Variants in ATAD2B observed in about 807,000 individuals in gnomAD.
ATAD2B encodes ATPase family AAA domain-containing protein 2B.
In ATAD2B, 40 loss-of-function variants were observed where a neutral mutation model predicts 167.6. The ratio of observed to expected loss-of-function variants is 0.24; its 90% CI spans 0.19 to 0.31. The LOEUF (loss-of-function observed/expected upper bound fraction) is 0.31. Ranked by LOEUF, ATAD2B falls within the 10% of genes least tolerant of loss-of-function variation. The pLI is 1.00. For synonymous variants in ATAD2B, 579 were observed against 596.5 expected (o/e 0.97, Z 0.43); for missense variants, 1,242 against 1,757.2 (o/e 0.71, Z 5.24).
At chr2:23,868,018 T>A in intron 9 of ATAD2B, 72 bp from the exon 10 acceptor site, 1 of 949,988 alleles carries the variant, frequency 1.1e-6, no homozygotes, top group South Asian at 1.4e-5. Flanking sequence ...TAAGTTTACA[T>A]TCTTTGATGT....
intron 13 of ATAD2B, among the ~76,000 whole-genome samples, chr2:23,855,704 CAT>C (rs1277469843): frequency 6.6e-6 from 1 of 152,184 alleles, no homozygotes; most frequent in African/African-American, 2.4e-5. Context: ...ACCAGGGAAA[CAT>C]AGCGAGACTC....
intron 13 of ATAD2B, among the ~76,000 whole-genome samples, chr2:23,851,199 C>T (rs1010487883): frequency 2.0e-5 from 3 of 152,192 alleles, no homozygotes; most frequent in African/African-American, 4.8e-5. Context: ...GGCTGTAGTT[C>T]GGTGGCACGA....
rs188999415 is a variant in ATAD2B, at chr2:23,891,114, G to A, written c.369-2715C>T. Among the ~76,000 whole-genome samples, 335 of 150,908 alleles carry A rather than the reference G, an allele frequency of 2.2e-3. 2 individuals are homozygous for A. The highest frequency in any genetic ancestry group is 7.9e-3 in the African/African-American group (325 of 41,014). ...TGGCTCACTGCAACCACCATCTCCC[G>A]GGTTCAAGTGATTCTCTCATCTCAG... On this transcript the variant is annotated intron_variant, in intron 2 of 27. Transcript: ENST00000238789.
chr2:23,678,704 T>C, the ATAD2B span, among the ~76,000 whole-genome samples: 1 of 152,232 alleles, frequency 6.6e-6, no homozygotes, highest in Non-Finnish European at 1.5e-5. Context: ...ATGTGGTATC[T>C]ACATACAGTG....
chr2:23,919,909 C>T (rs1020947827), intron 1 of ATAD2B, among the ~76,000 whole-genome samples: 2 of 149,298 alleles, frequency 1.3e-5, no homozygotes, highest in African/African-American at 2.5e-5. Context: ...CCAGAACTTT[C>T]GGAGGCCGAG....
the ATAD2B span, among the ~76,000 whole-genome samples, chr2:23,724,310 G>T: frequency 6.6e-6 from 1 of 152,068 alleles, no homozygotes; most frequent in African/African-American, 2.4e-5. Context: ...TTGATATGAT[G>T]AATATATTAA....
chr2:23,888,097 T>C, intron 3 of ATAD2B, 112 bp from the exon 4 acceptor site: 3 of 857,342 alleles, frequency 3.5e-6, no homozygotes, highest in Non-Finnish European at 5.0e-6. Context: ...AATATAACTT[T>C]TTAAATGGCT....
At chr2:23,759,678 G>A (rs1479762143) in intron 24 of ATAD2B, among the ~76,000 whole-genome samples, 2 of 152,054 alleles carry the variant, frequency 1.3e-5, no homozygotes, top group Non-Finnish European at 2.9e-5. Context: ...CTGTAATCCT[G>A]TTAGCACTAA....
intron 20 of ATAD2B, among the ~76,000 whole-genome samples, chr2:23,786,481 G>A (rs907929012): frequency 6.6e-6 from 1 of 152,000 alleles, no homozygotes; most frequent in East Asian, 1.9e-4. Context: ...TTGCTCCTAG[G>A]CTACAAACCT....
intron 24 of ATAD2B, among the ~76,000 whole-genome samples, chr2:23,759,712 A>C (rs1676413376): frequency 6.6e-6 from 1 of 152,086 alleles, no homozygotes; most frequent in South Asian, 2.1e-4. Flanking sequence ...TCCCCTATTA[A>C]TTTCTATTTA....
intron 13 of ATAD2B, among the ~76,000 whole-genome samples, chr2:23,837,046 A>G (rs958737708): frequency 4.6e-5 from 7 of 152,038 alleles, no homozygotes; most frequent in African/African-American, 1.4e-4. Flanking sequence ...GCTGCCATTC[A>G]TGGTGCCCAA....
chr2:23,783,009 A>G lies in ATAD2B; in HGVS notation c.2993T>C (p.Val998Ala). 1 of 1,534,160 alleles carries G rather than the reference A, an allele frequency of 6.5e-7. No individual in the cohort carries two copies. Among genetic ancestry groups the G allele is most frequent in the Non-Finnish European group, 9.0e-7 (1 of 1,117,064 alleles). Reference protein sequence around the residue: ...DIEEVSDYLEVIKEPMDLSTV... With the variant: ...DIEEVSDYLEAIKEPMDLSTV... ...TGATAAGTCCATTGGTTCCTTGATT[A>G]CTTCAAGATAATCTGAAACCTAAAA... is the stretch of plus-strand genomic sequence containing the variant. Residue 998 changes from valine (V) to alanine (A), a missense_variant, in exon 22 of 28, where the codon GTA (valine) becomes GCA (alanine). This residue lies in a region of ATAD2B where 204 missense variants were observed against 324.0 expected (regional missense o/e 0.63). Transcript: ENST00000238789.
intron 18 of ATAD2B, 34 bp downstream of exon 18, chr2:23,810,282 A>C: frequency 6.4e-7 from 1 of 1,555,610 alleles, no homozygotes; most frequent in South Asian, 1.2e-5. Context: ...AGCAATAAGA[A>C]AGTTGGAAGT....
chr2:23,872,295 A>T (rs1696113339), intron 8 of ATAD2B: 15 of 521,346 alleles, frequency 2.9e-5, no homozygotes, highest in South Asian at 2.4e-4. Context: ...CTTTACGCAC[A>T]GTCTCTTCAT....
chr2:23,818,077 AAC>A (rs10559795), intron 17 of ATAD2B, among the ~76,000 whole-genome samples: 133,676 of 142,294 alleles, frequency 0.94, 62,756 homozygotes, highest in East Asian at 0.99. Context: ...AACACACATA[AAC>A]ACACACACAC....
At chr2:23,818,114 C>CACATT (rs1686778430) in intron 17 of ATAD2B, among the ~76,000 whole-genome samples, 4 of 100,626 alleles carry the variant, frequency 4.0e-5, no homozygotes, top group African/African-American at 7.0e-5. Flanking sequence ...CACACACACA[C>CACATT]ACACACATTA....
chr2:23,869,632 C>A, intron 9 of ATAD2B, 31 bp downstream of exon 9: 1 of 1,449,054 alleles, frequency 6.9e-7, no homozygotes, highest in Non-Finnish European at 9.5e-7. Flanking sequence ...CTTTTTTCTA[C>A]CATGGAAATA....
chr2:23,827,491 G>C (rs1047107752), intron 15 of ATAD2B, among the ~76,000 whole-genome samples: 2 of 152,130 alleles, frequency 1.3e-5, no homozygotes, highest in African/African-American at 4.8e-5. Context: ...TTTCCAAAAT[G>C]ATTTGACAAC....
chr2:23,744,727 T>A (rs1572600049), downstream of ATAD2B, among the ~76,000 whole-genome samples: 1 of 152,168 alleles, frequency 6.6e-6, no homozygotes, highest in African/African-American at 2.4e-5. Flanking sequence ...TCCAGCCGCA[T>A]ACTATTACCT....
Sources: allele counts gnomAD v4.1 joint callset (sites outside exome capture counted in the v4.1 genomes callset), GRCh38; gene constraint gnomAD v4.1.1; regional missense constraint gnomAD v4.1.1; transcripts MANE v1.5; gene names NCBI Gene and HGNC (gene_info 2026-07-23, HGNC 2026-07-21).